The following SCAF8 variants were observed in gnomAD, a reference collection of about 807,000 sequenced individuals.
SCAF8 encodes the protein SR-related and CTD-associated factor 8.
SCAF8 carries 23 observed loss-of-function variants against 140.5 expected under a neutral mutation model. The ratio of observed to expected loss-of-function variants is 0.16; its 90% CI spans 0.12 to 0.23. The LOEUF is 0.23. Ranked by LOEUF, SCAF8 falls within the 10% of genes least tolerant of loss-of-function variation. The pLI, the probability that SCAF8 is intolerant of heterozygous loss-of-function variation, is 1.00. For missense variants in SCAF8, 1,397 were observed against 1,555.7 expected, an observed-to-expected ratio of 0.90 and a Z score of 1.72; for synonymous variants, 575 against 528.9, an observed-to-expected ratio of 1.09 and a Z score of -1.20.
intron 6 of SCAF8, among the ~76,000 whole-genome samples, chr6:154,801,369 AGATT>A (rs1235805398): frequency 1.3e-5 from 2 of 151,446 alleles, no homozygotes; most frequent in South Asian, 4.1e-4. Flanking sequence ...GCTTATAACC[AGATT>A]GATTATCATT....
Position 154,832,523 on chromosome 6 carries a change from C to G in SCAF8, c.2944C>G (p.Pro982Ala). 1 of 1,613,814 alleles carries G rather than the reference C, an allele frequency of 6.2e-7. No individual in the cohort carries two copies. ...PGDIFSQPER[P>A]FLAPGRQSVD... The stretch of plus-strand genomic sequence containing the variant: ...AGATATTTTTAGTCAACCAGAAAGA[C>G]CTTTTTTAGCTCCTGGAAGACAAAG... The change falls in exon 20 of 20, where the codon CCT becomes GCT. Residue 982 changes from proline to alanine, a missense_variant. Physicochemically the swap from Pro to Ala is conservative, Grantham distance 27 (BLOSUM62 -1). This residue lies in a region of SCAF8 where 930 missense variants were observed against 874.6 expected (regional missense o/e 1.06). Transcript: ENST00000367178.
rs1278429924 is a variant in SCAF8 at position 154,823,259 on chromosome 6, A to G, written c.1926+850A>G. Among the ~76,000 whole-genome samples the G allele has an allele frequency of 2.0e-5, 3 of 152,298 alleles. No individual in the cohort carries two copies. The East Asian group carries it at 5.8e-4, about 29-fold the overall frequency. On this transcript the variant is annotated intron_variant, in intron 16 of 19. Transcript: ENST00000367178. ...AAGAGAGAGAGAAAGATGAGGAGTC[A>G]TTGGAGGATTTTGAGCAGAGGAGTG...
intron 1 of SCAF8, among the ~76,000 whole-genome samples, chr6:154,768,146 A>T (rs1776635712): frequency 6.6e-6 from 1 of 152,148 alleles, no homozygotes; most frequent in Non-Finnish European, 1.5e-5. Context: ...TTCTTTTTTG[A>T]CAGTGGTCCT....
chr6:154,770,628 G>A (rs778156899), intron 1 of SCAF8, among the ~76,000 whole-genome samples: 2 of 152,026 alleles, frequency 1.3e-5, no homozygotes, highest in African/African-American at 2.4e-5. Context: ...CCTAATTCTT[G>A]TCGACCATTG....
intron 9 of SCAF8, among the ~76,000 whole-genome samples, chr6:154,806,880 T>G (rs1468207566): frequency 2.0e-5 from 3 of 152,156 alleles, no homozygotes; most frequent in African/African-American, 4.8e-5. Flanking sequence ...TTAAGAACAT[T>G]TAGATGTTGT....
chr6:154,818,265 G>A (rs560534338), intron 13 of SCAF8, among the ~76,000 whole-genome samples: 1 of 152,114 alleles, frequency 6.6e-6, no homozygotes, highest in African/African-American at 2.4e-5. Flanking sequence ...ACCTAATTGA[G>A]TTCTGAATTT....
At chr6:154,747,274 G>A (rs1778723832) in intron 1 of SCAF8, among the ~76,000 whole-genome samples, 1 of 152,150 alleles carries the variant, frequency 6.6e-6, no homozygotes, top group South Asian at 2.1e-4. Flanking sequence ...AGCGCTTTGG[G>A]AGGCTGAGGC....
intron 5 of SCAF8, among the ~76,000 whole-genome samples, chr6:154,793,768 TCGCGCCGTTGCACTCCAGCC>T (rs1362731044): frequency 7.3e-6 from 1 of 136,416 alleles, no homozygotes; most frequent in Non-Finnish European, 1.5e-5. Context: ...CGAGGCGAGA[TCGCGCCGTTGCACTCCAGCC>T]TGGGCAACAA....
At chr6:154,823,242 G>C (rs1015227796) in intron 16 of SCAF8, among the ~76,000 whole-genome samples, 5 of 152,164 alleles carry the variant, frequency 3.3e-5, no homozygotes, top group Non-Finnish European at 5.9e-5. Flanking sequence ...AAAAGAGAGA[G>C]AGAAAGATGA....
chr6:154,761,617 T>C lies in SCAF8; in HGVS notation c.31-12372T>C, dbSNP rs187478837. Among the ~76,000 whole-genome samples the C allele has an allele frequency of 3.5e-3, 533 of 152,346 alleles. 6 individuals carry two copies. Among genetic ancestry groups the C allele is most frequent in the African/African-American group, 0.012 (514 of 41,572 alleles). On this transcript the variant is annotated intron_variant, in intron 1 of 19. Transcript: ENST00000367178. ...GATCTGGGAGGATTCCCTCAGTATG[T>C]CTGTAACATCTCCTTTTGGCCTGTG... is the stretch of plus-strand genomic sequence containing the variant.
chr6:154,779,779 GTGTATATATATA>G (rs1446380944), intron 3 of SCAF8, among the ~76,000 whole-genome samples: 331 of 97,646 alleles, frequency 3.4e-3, no homozygotes, highest in African/African-American at 0.015. Flanking sequence ...GTGTGTGTGT[GTGTATATATATA>G]TATATATATA....
intron 1 of SCAF8, among the ~76,000 whole-genome samples, chr6:154,750,200 T>C (rs902635294): frequency 1.3e-5 from 2 of 152,138 alleles, no homozygotes; most frequent in African/African-American, 4.8e-5. Flanking sequence ...ATCACCTTTA[T>C]CTCAACCACC....
chr6:154,811,327 T>C (rs1171543625), intron 12 of SCAF8, among the ~76,000 whole-genome samples: 1 of 152,186 alleles, frequency 6.6e-6, no homozygotes, highest in African/African-American at 2.4e-5. Context: ...AGTAAGGATT[T>C]TATATGGAGT....
At chr6:154,773,696 C>G (rs1371046570) in intron 1 of SCAF8, among the ~76,000 whole-genome samples, 2 of 152,130 alleles carry the variant, frequency 1.3e-5, no homozygotes, top group East Asian at 3.8e-4. Context: ...AGCTGTTTTC[C>G]AAAGCTGCTG....
At chr6:154,756,240 A>C (rs557507305) in intron 1 of SCAF8, among the ~76,000 whole-genome samples, 15 of 152,330 alleles carry the variant, frequency 9.8e-5, no homozygotes, top group African/African-American at 3.6e-4. Context: ...TCCGTCACCA[A>C]TAGTTAAGTT....
At chr6:154,754,372 G>C (rs1778913377) in intron 1 of SCAF8, among the ~76,000 whole-genome samples, 1 of 152,170 alleles carries the variant, frequency 6.6e-6, no homozygotes, top group Non-Finnish European at 1.5e-5. Flanking sequence ...ATCTGATTCA[G>C]TGACGTTGCT....
intron 4 of SCAF8, among the ~76,000 whole-genome samples, chr6:154,790,673 G>C (rs770510393): frequency 3.3e-5 from 5 of 151,790 alleles, no homozygotes; most frequent in Non-Finnish European, 5.9e-5. Flanking sequence ...ACCACGCCTG[G>C]CTAATGTTTT....
At chr6:154,784,155 A>ATATT (rs1160861616) in intron 3 of SCAF8, among the ~76,000 whole-genome samples, 1,624 of 91,070 alleles carry the variant, frequency 0.018, 51 homozygotes, top group East Asian at 0.086. Context: ...ATATATATAT[A>ATATT]TATTTATTTA....
intron 1 of SCAF8, 42 bp from the exon 2 acceptor site, chr6:154,773,947 T>G: frequency 8.1e-7 from 1 of 1,231,948 alleles, no homozygotes; most frequent in South Asian, 1.3e-5. Context: ...TGTAATTGCT[T>G]GGAGAGTTTT....
Sources: allele counts gnomAD v4.1 joint callset (sites outside exome capture counted in the v4.1 genomes callset), GRCh38; gene constraint gnomAD v4.1.1; regional missense constraint gnomAD v4.1.1; transcripts MANE v1.5; gene names NCBI Gene and HGNC (gene_info 2026-07-23, HGNC 2026-07-21).